GRB10: variants seen among roughly 807,000 people sequenced by gnomAD.
GRB10 encodes the protein growth factor receptor bound protein 10, also known as growth factor receptor-bound protein 10.
A neutral mutation model predicts 80.9 loss-of-function variants in GRB10; 20 were observed. The observed-to-expected ratio is 0.25, with a 90% CI of 0.17 to 0.36. The LOEUF is 0.36. GRB10 is among the 10% of genes least tolerant of loss of function. The pLI is 1.00. For synonymous variants in GRB10, 291 were observed against 291.5 expected (o/e 1.00, Z 0.02); for missense variants, 548 against 747.7 (o/e 0.73, Z 3.12).
chr7:50,598,720 G>A (rs1393993538), intron 17 of GRB10, among the ~76,000 whole-genome samples: 1 of 152,218 alleles, frequency 6.6e-6, no homozygotes, highest in Admixed American at 6.5e-5. Context: ...GACGAAAAGT[G>A]AAAGTATCCC....
chr7:50,715,552 T>C (rs2066724264), intron 4 of GRB10, among the ~76,000 whole-genome samples: 1 of 152,164 alleles, frequency 6.6e-6, no homozygotes, highest in Admixed American at 6.5e-5. Context: ...ATGAGCCAAA[T>C]GTTTACAAAC....
intron 2 of GRB10, chr7:50,779,615 G>T (rs1368675642): frequency 6.6e-6 from 1 of 152,068 alleles, no homozygotes; most frequent in Non-Finnish European, 1.5e-5. Context: ...GACAGGCGGG[G>T]TCCCTTGTCA....
At chr7:50,727,399 C>T (rs1343148057) in intron 4 of GRB10, among the ~76,000 whole-genome samples, 2 of 152,330 alleles carry the variant, frequency 1.3e-5, no homozygotes, top group African/African-American at 4.8e-5. Flanking sequence ...TCTTGTTCAC[C>T]TGGTACCCTA....
At chr7:50,752,668 T>G in intron 3 of GRB10, among the ~76,000 whole-genome samples, 1 of 151,988 alleles carries the variant, frequency 6.6e-6, no homozygotes, top group Non-Finnish European at 1.5e-5. Context: ...CCTGTGTGAG[T>G]AAGAGCCCAG....
intron 4 of GRB10, among the ~76,000 whole-genome samples, chr7:50,708,446 G>A (rs991996276): frequency 5.3e-5 from 8 of 152,172 alleles, no homozygotes; most frequent in Non-Finnish European, 1.2e-4. Flanking sequence ...AAGATCATCC[G>A]GACAGAGCTG....
intron 7 of GRB10, among the ~76,000 whole-genome samples, chr7:50,656,991 A>G (rs1217945770): frequency 6.6e-6 from 1 of 152,208 alleles, no homozygotes; most frequent in Non-Finnish European, 1.5e-5. Context: ...TAGCACAGAC[A>G]CTGGACGACA....
chr7:50,753,225 C>T (rs2074451252), intron 3 of GRB10, among the ~76,000 whole-genome samples: 1 of 152,230 alleles, frequency 6.6e-6, no homozygotes, highest in African/African-American at 2.4e-5. Flanking sequence ...ATAACTAGCT[C>T]TTCTCAGACT....
chr7:50,610,064 C>T (rs1435318422), intron 13 of GRB10, among the ~76,000 whole-genome samples: 1 of 152,044 alleles, frequency 6.6e-6, no homozygotes, highest in African/African-American at 2.4e-5. Context: ...GTAAAAGGGC[C>T]CTGTCAACTT....
intron 2 of GRB10, among the ~76,000 whole-genome samples, chr7:50,772,049 G>A (rs530865216): frequency 2.0e-4 from 31 of 152,296 alleles, no homozygotes; most frequent in African/African-American, 5.1e-4. Context: ...TACAAGAGGC[G>A]AAGTGAAATT....
At chr7:50,730,503 T>C (rs1474506533) in intron 4 of GRB10, among the ~76,000 whole-genome samples, 1 of 152,232 alleles carries the variant, frequency 6.6e-6, no homozygotes, top group African/African-American at 2.4e-5. Context: ...GTCATCTTAT[T>C]TTCCAGGAAC....
In GRB10 at chr7:50,663,819, T is replaced by C. The variant is rs556602537; in HGVS notation, c.504+5903A>G. On this transcript the variant is annotated intron_variant, in intron 7 of 18. Transcript: ENST00000401949. Reference sequence around the variant, plus strand: ...TCCAGTGCCCATCAGGGAAAGCCCCTGGCATGCCAGGTGCAGGGAGACAAT... The same window carrying C: ...TCCAGTGCCCATCAGGGAAAGCCCCCGGCATGCCAGGTGCAGGGAGACAAT... 2.9e-3 allele frequency among the ~76,000 whole-genome samples: 435 copies of C among 152,322 alleles called. 1 individual carries two copies. The highest frequency in any genetic ancestry group is 2.8e-3 in the Non-Finnish European group (191 of 68,032).
At chr7:50,735,574 T>C (rs2070662276) in intron 3 of GRB10, among the ~76,000 whole-genome samples, 1 of 152,174 alleles carries the variant, frequency 6.6e-6, no homozygotes, top group South Asian at 2.1e-4. Context: ...TGTGGGCCCA[T>C]GTGTCTGAGT....
At chr7:50,755,490 G>C (rs988898287) in intron 3 of GRB10, among the ~76,000 whole-genome samples, 3 of 152,178 alleles carry the variant, frequency 2.0e-5, no homozygotes, top group Non-Finnish European at 4.4e-5. Flanking sequence ...CCCACCTTCA[G>C]AACAACAGCT....
At chr7:50,693,942 C>G (rs2063129878) in intron 5 of GRB10, among the ~76,000 whole-genome samples, 1 of 151,068 alleles carries the variant, frequency 6.6e-6, no homozygotes, top group Non-Finnish European at 1.5e-5. Context: ...GCTGGAGCAA[C>G]AAAGTGTCTC....
intron 3 of GRB10, 33 bp from the exon 4 acceptor site, chr7:50,732,401 C>CAT: frequency 1.7e-6 from 2 of 1,211,772 alleles, no homozygotes; most frequent in Non-Finnish European, 2.4e-6. Flanking sequence ...GAAGCCAAGC[C>CAT]AGAAAAAAAA....
chr7:50,711,542 T>C (rs191390268), intron 4 of GRB10, among the ~76,000 whole-genome samples: 5 of 152,284 alleles, frequency 3.3e-5, no homozygotes, highest in Admixed American at 2.6e-4. Context: ...AGTAAAATGT[T>C]TCAAACCGCA....
intron 3 of GRB10, among the ~76,000 whole-genome samples, chr7:50,748,122 AG>A (rs2073337467): frequency 6.6e-6 from 1 of 152,102 alleles, no homozygotes. Flanking sequence ...CAGGATGGGG[AG>A]GGAGTGGATC....
intron 17 of GRB10, among the ~76,000 whole-genome samples, chr7:50,596,346 T>C (rs1048820266): frequency 6.6e-6 from 1 of 152,182 alleles, no homozygotes; most frequent in Non-Finnish European, 1.5e-5. Flanking sequence ...CCGGAGACGA[T>C]GTACTGAAGA....
At chr7:50,767,012 T>C (rs2076408981) in intron 2 of GRB10, among the ~76,000 whole-genome samples, 1 of 152,196 alleles carries the variant, frequency 6.6e-6, no homozygotes, top group African/African-American at 2.4e-5. Context: ...ATCACTATCA[T>C]ACAGTAGCAC....
Sources: allele counts gnomAD v4.1 joint callset (sites outside exome capture counted in the v4.1 genomes callset), GRCh38; gene constraint gnomAD v4.1.1; transcripts MANE v1.5; gene names NCBI Gene and HGNC (gene_info 2026-07-23, HGNC 2026-07-21).